DOCK4: variants seen among roughly 807,000 people sequenced by gnomAD.
DOCK4 encodes the protein dedicator of cytokinesis protein 4.
A neutral mutation model predicts 268.1 loss-of-function variants in DOCK4; 97 were observed. The observed-to-expected ratio is 0.36, with a 90% CI of 0.31 to 0.43. DOCK4 has a LOEUF of 0.43. Among genes scored for constraint, DOCK4 ranks in the 20% least tolerant of loss-of-function variants. The pLI is 1.00. For missense variants in DOCK4, 2,145 were observed against 2,455.7 expected (o/e 0.87, Z 2.67); for synonymous variants, 954 against 887.2 (o/e 1.08, Z -1.34).
chr7:112,037,288 T>C (rs1283857161), intron 1 of DOCK4, among the ~76,000 whole-genome samples: 2 of 152,204 alleles, frequency 1.3e-5, no homozygotes, highest in Non-Finnish European at 2.9e-5. Context: ...ATTAAATACA[T>C]TTTCAACTTA....
At chr7:111,986,578 G>A (rs193092885) in intron 6 of DOCK4, among the ~76,000 whole-genome samples, 1 of 152,240 alleles carries the variant, frequency 6.6e-6, no homozygotes, top group East Asian at 1.9e-4. Context: ...CACAGGGAGA[G>A]CGTCATGTTT....
chr7:112,077,619 T>C (rs1398096397), intron 1 of DOCK4, among the ~76,000 whole-genome samples: 1 of 152,084 alleles, frequency 6.6e-6, no homozygotes, highest in African/African-American at 2.4e-5. Flanking sequence ...TTTTAAACCA[T>C]AGTGTGTAAT....
intron 13 of DOCK4, among the ~76,000 whole-genome samples, chr7:111,904,272 C>G (rs1307733044): frequency 6.6e-6 from 1 of 152,144 alleles, no homozygotes; most frequent in Non-Finnish European, 1.5e-5. Context: ...TTATTCCAAG[C>G]CAGGAAGATT....
chr7:112,167,979 T>G (rs1586961521), intron 1 of DOCK4, among the ~76,000 whole-genome samples: 1 of 152,218 alleles, frequency 6.6e-6, no homozygotes, highest in African/African-American at 2.4e-5. Context: ...TGATCACAAT[T>G]ACATCTAAAT....
intron 1 of DOCK4, among the ~76,000 whole-genome samples, chr7:112,084,985 G>T (rs1194890901): frequency 6.6e-6 from 1 of 152,044 alleles, no homozygotes; most frequent in Non-Finnish European, 1.5e-5. Context: ...GCTTGGAAGT[G>T]GTCAAGCAGG....
At chr7:112,057,150 A>C (rs1473247097) in intron 1 of DOCK4, among the ~76,000 whole-genome samples, 1 of 152,120 alleles carries the variant, frequency 6.6e-6, no homozygotes, top group Non-Finnish European at 1.5e-5. Context: ...AAGGTAGCTC[A>C]CTCTTGTAAT....
At position 111,728,186 on chromosome 7, in the gene DOCK4, T is replaced by G; in HGVS notation, c.*88A>C. On this transcript the variant is annotated 3_prime_UTR_variant, in exon 53 of 53. Transcript: ENST00000428084. ...TTCATCGAAGGAGCTGAGTAAGTTA[T>G]TAAAGTGCCTACACTAAATGTCTTC... 9.9e-7 allele frequency: 1 copy of G among 1,010,914 alleles called. No individual in the cohort carries two copies. The highest frequency in any genetic ancestry group is 1.3e-6 in the Non-Finnish European group (1 of 758,618). The allele number at this position is 1,010,914 out of a possible 1,614,324, so 62.6% of individuals were successfully genotyped here. A position where few individuals can be genotyped will look rare whatever the true frequency, so the allele number is the denominator to read the frequency against.
chr7:112,182,890 T>C (rs1343286737), intron 1 of DOCK4, among the ~76,000 whole-genome samples: 1 of 152,222 alleles, frequency 6.6e-6, no homozygotes, highest in African/African-American at 2.4e-5. Context: ...GACAATGCAC[T>C]TGTTCAAATG....
chr7:111,751,056 A>C (rs527277962), intron 42 of DOCK4, among the ~76,000 whole-genome samples: 3 of 152,208 alleles, frequency 2.0e-5, no homozygotes, highest in Admixed American at 1.3e-4. Context: ...TGCAACCCAT[A>C]AAAGATTAAT....
At chr7:111,935,227 C>G in intron 12 of DOCK4, 2 of 372,542 alleles carry the variant, frequency 5.4e-6, no homozygotes, top group South Asian at 4.3e-5. Flanking sequence ...GGATTACAGG[C>G]GTGAGCCACC....
At chr7:112,112,431 C>T (rs1050681177) in intron 1 of DOCK4, among the ~76,000 whole-genome samples, 2 of 152,094 alleles carry the variant, frequency 1.3e-5, no homozygotes, top group Non-Finnish European at 2.9e-5. Flanking sequence ...ATCACAAGGT[C>T]AGGAGTTCGA....
At chr7:112,160,447 G>C (rs1455091464) in intron 1 of DOCK4, among the ~76,000 whole-genome samples, 1 of 152,126 alleles carries the variant, frequency 6.6e-6, no homozygotes, top group Non-Finnish European at 1.5e-5. Context: ...AGGTTCCATG[G>C]GATTCTTGGG....
chr7:111,778,438 CT>C (rs1401114190), intron 35 of DOCK4, 69 bp from the exon 36 acceptor site: 2 of 960,310 alleles, frequency 2.1e-6, no homozygotes, highest in African/African-American at 3.3e-5. Context: ...GCCTTTTACT[CT>C]GCTAAAGTTC....
intron 1 of DOCK4, among the ~76,000 whole-genome samples, chr7:112,144,699 C>T (rs977066504): frequency 6.6e-6 from 1 of 152,190 alleles, no homozygotes; most frequent in Admixed American, 6.5e-5. Flanking sequence ...ATTTCTGGCA[C>T]AGCTGAGAAA....
chr7:111,977,246 T>C lies in DOCK4; in HGVS notation c.587A>G (p.Gln196Arg). 1 of 1,607,816 alleles carries C rather than the reference T, an allele frequency of 6.2e-7. No individual in the cohort carries two copies. The highest frequency in any genetic ancestry group is 1.1e-5 in the South Asian group (1 of 89,556). Residue 196 changes from glutamine to arginine, a missense_variant, in exon 8 of 53, where the codon CAG becomes CGG. Transcript: ENST00000428084. ...HRHRKKDTPVQASSHHLFVQM... is the reference protein window; with the variant it reads ...HRHRKKDTPVRASSHHLFVQM... ...GACAAAGAGGTGGTGACTGCTGGCC[T>C]GCACCGGGGTGTCTTTCTTCCGATG...
intron 12 of DOCK4, among the ~76,000 whole-genome samples, chr7:111,933,058 A>G (rs1407648538): frequency 6.7e-6 from 1 of 149,164 alleles, no homozygotes; most frequent in Non-Finnish European, 1.5e-5. Context: ...AGAAGTGTGT[A>G]TATATATACA....
At chr7:112,124,022 TA>T (rs1164849088) in intron 1 of DOCK4, among the ~76,000 whole-genome samples, 1 of 151,702 alleles carries the variant, frequency 6.6e-6, no homozygotes, top group African/African-American at 2.4e-5. Flanking sequence ...ATTAAGAAAC[TA>T]AAAACTTTTT....
intron 8 of DOCK4, among the ~76,000 whole-genome samples, chr7:111,970,888 G>A (rs1797658367): frequency 6.6e-6 from 1 of 152,144 alleles, no homozygotes; most frequent in Admixed American, 6.5e-5. Context: ...ACACTTTGCA[G>A]GCTTAACATA....
At chr7:112,157,364 T>C (rs1816712504) in intron 1 of DOCK4, among the ~76,000 whole-genome samples, 1 of 152,006 alleles carries the variant, frequency 6.6e-6, no homozygotes, top group Non-Finnish European at 1.5e-5. Context: ...CATGGTACAC[T>C]GCCGGCCAGA....
Sources: gnomAD v4.1 joint callset for allele counts (sites outside exome capture counted in the v4.1 genomes callset) on GRCh38, gnomAD v4.1.1 for gene constraint, MANE v1.5 for transcripts, NCBI Gene and HGNC (gene_info 2026-07-23, HGNC 2026-07-21) for gene names.